ENDOD1: variants seen among roughly 807,000 people sequenced by gnomAD.
The protein encoded by ENDOD1 is endonuclease domain-containing 1 protein.
Under a neutral mutation model 6.5 loss-of-function variants are expected in ENDOD1, and 9 were observed. That is an observed-to-expected ratio of 1.39 (90% CI 0.84 to 2.43). The LOEUF is 2.43. Among genes scored for constraint, ENDOD1 ranks in the 30% most tolerant of loss-of-function variants. The probability of loss-of-function intolerance (pLI) is 0.00; values close to 1 mark genes in which losing one functional copy is unlikely to be tolerated. For synonymous variants in ENDOD1, 255 were observed against 255.2 expected, an observed-to-expected ratio of 1.00 and a Z score of 0.01; for missense variants, 648 against 635.5, an observed-to-expected ratio of 1.02 and a Z score of -0.21.
chr11:95,108,654 T>C (rs73528762), intron 1 of ENDOD1, among the ~76,000 whole-genome samples: 1,682 of 151,818 alleles, frequency 0.011, 25 homozygotes, highest in African/African-American at 0.038. Context: ...CTGAAATGGG[T>C]GGGTTGGCAC....
At chr11:95,093,467 A>G (rs781967842) in intron 1 of ENDOD1, among the ~76,000 whole-genome samples, 1 of 152,158 alleles carries the variant, frequency 6.6e-6, no homozygotes, top group African/African-American at 2.4e-5. Context: ...CCTGAACTGT[A>G]TCCACCTCCC....
chr11:95,119,950 C>A (rs1422473047), intron 1 of ENDOD1, among the ~76,000 whole-genome samples: 1 of 152,264 alleles, frequency 6.6e-6, no homozygotes, highest in East Asian at 1.9e-4. Flanking sequence ...GGCTCTGACA[C>A]TGCCACCACA....
At chr11:95,104,476 A>G (rs1317198831) in intron 1 of ENDOD1, among the ~76,000 whole-genome samples, 2 of 150,288 alleles carry the variant, frequency 1.3e-5, no homozygotes, top group Non-Finnish European at 3.0e-5. Flanking sequence ...AGAAAGAAGG[A>G]CAACTTATCT....
At chr11:95,119,543 C>A (rs961158604) in intron 1 of ENDOD1, among the ~76,000 whole-genome samples, 1 of 152,210 alleles carries the variant, frequency 6.6e-6, no homozygotes, top group African/African-American at 2.4e-5. Flanking sequence ...GTCTGAGTCA[C>A]CTGGAGCTGA....
At chr11:95,107,824 C>G (rs1859105514) in intron 1 of ENDOD1, among the ~76,000 whole-genome samples, 1 of 152,184 alleles carries the variant, frequency 6.6e-6, no homozygotes, top group Non-Finnish European at 1.5e-5. Context: ...CTCCGCCCGG[C>G]TAATTTTTTT....
intron 1 of ENDOD1, among the ~76,000 whole-genome samples, chr11:95,105,731 C>T (rs567499632): frequency 2.0e-5 from 3 of 152,272 alleles, no homozygotes; most frequent in South Asian, 4.2e-4. Context: ...TCATCCATGT[C>T]CCTGCAAAGG....
In ENDOD1 at chr11:95,090,031, A is replaced by T. The variant is rs369404308; in HGVS notation, c.104A>T (p.Asp35Val). 7.6e-5 allele frequency: 122 copies of T among 1,596,624 alleles called. No individual in the cohort carries two copies. Among genetic ancestry groups the T allele is most frequent in the Admixed American group, 2.6e-4 (15 of 58,588 alleles). Residue 35 changes from aspartate to valine, a missense_variant, in exon 1 of 2, where the codon GAC (aspartate) becomes GTC (valine). Asp to Val is a radical substitution (Grantham distance 152). Coordinates refer to ENST00000278505, the MANE Select transcript of ENDOD1 (RefSeq NM_015036.3). Reference protein sequence around the residue: ...GEEEAGFGECDKFFYAGTPPA... With the variant: ...GEEEAGFGECVKFFYAGTPPA... ...GAGGAAGCCGGCTTTGGCGAATGTG[A>T]CAAGTTCTTCTACGCCGGGACCCCG...
rs566345096 is a variant in ENDOD1 at position 95,129,721 on chromosome 11, T to A, written c.*142T>A. ...GTCTGCTTGTTTTTGCAAAAGAAGA[T>A]GGCAGAATTTAGACTTGACAGAGGA... On this transcript the variant is annotated 3_prime_UTR_variant, in exon 2 of 2. Transcript: ENST00000278505. 3.6e-5 allele frequency: 31 copies of A among 858,096 alleles called. No individual in the cohort carries two copies. In the African/African-American group the frequency reaches 5.1e-4, roughly 14 times the overall value. 53.2% of individuals were successfully genotyped at this position (858,096 alleles called of 1,614,324 possible).
At chr11:95,095,164 G>T (rs1324707896) in intron 1 of ENDOD1, among the ~76,000 whole-genome samples, 3 of 152,170 alleles carry the variant, frequency 2.0e-5, no homozygotes, top group Admixed American at 6.5e-5. Context: ...TCAAATGCTT[G>T]GTGTATGTCC....
chr11:95,093,628 A>G (rs1858952484), intron 1 of ENDOD1, among the ~76,000 whole-genome samples: 1 of 152,236 alleles, frequency 6.6e-6, no homozygotes, highest in South Asian at 2.1e-4. Context: ...CCTAGTGCCC[A>G]GCTTATAGAA....
At chr11:95,091,521 T>C (rs1248737216) in intron 1 of ENDOD1, among the ~76,000 whole-genome samples, 1 of 152,230 alleles carries the variant, frequency 6.6e-6, no homozygotes, top group Non-Finnish European at 1.5e-5. Context: ...TTCCACCAGC[T>C]GCACCCCTAG....
chr11:95,118,035 G>C (rs891492649), intron 1 of ENDOD1, among the ~76,000 whole-genome samples: 3 of 152,102 alleles, frequency 2.0e-5, no homozygotes, highest in Non-Finnish European at 4.4e-5. Context: ...CAAGCAAAAA[G>C]ACAACTAATA....
intron 1 of ENDOD1, among the ~76,000 whole-genome samples, chr11:95,090,525 G>C (rs117061173): frequency 6.6e-6 from 1 of 152,160 alleles, no homozygotes; most frequent in Non-Finnish European, 1.5e-5. Context: ...GCAGACATCC[G>C]CAGTGTTTCA....
At chr11:95,107,707 C>T (rs1480924392) in intron 1 of ENDOD1, among the ~76,000 whole-genome samples, 7 of 151,938 alleles carry the variant, frequency 4.6e-5, no homozygotes, top group Non-Finnish European at 1.0e-4. Flanking sequence ...GTCACCCAGG[C>T]TGGAGTGCAG....
At chr11:95,096,073 A>G (rs1858980537) in intron 1 of ENDOD1, among the ~76,000 whole-genome samples, 1 of 152,166 alleles carries the variant, frequency 6.6e-6, no homozygotes, top group Non-Finnish European at 1.5e-5. Flanking sequence ...TCCTTAGGGA[A>G]TTGAGATTTT....
At position 95,090,155 on chromosome 11, in the gene ENDOD1, C is replaced by T. The variant is rs941470625; in HGVS notation, c.228C>T (p.Pro76=). ...TCTACAGCACCCGGGACCGCATCCC[C>T]GTGTACTCCGCGTTCCGCGCCCCGC... ...ATLYSTRDRI[P]VYSAFRAPRP... The change falls in exon 1 of 2, where the codon CCC becomes CCT. Residue 76 remains proline, a synonymous_variant. Coordinates refer to ENST00000278505, the MANE Select transcript of ENDOD1 (RefSeq NM_015036.3). 2 of 1,477,718 alleles carry T rather than the reference C, an allele frequency of 1.4e-6. No homozygotes were observed. The highest frequency in any genetic ancestry group is 1.8e-6 in the Non-Finnish European group (2 of 1,103,850). The allele number at this position is 1,477,718 out of a possible 1,614,324, so 91.5% of individuals were successfully genotyped here. A position where few individuals can be genotyped will look rare whatever the true frequency, so the allele number is the denominator to read the frequency against.
intron 1 of ENDOD1, among the ~76,000 whole-genome samples, chr11:95,103,098 T>TGGGG (rs5793712): frequency 3.6e-5 from 5 of 137,588 alleles, no homozygotes; most frequent in African/African-American, 1.1e-4. Context: ...CTAGGCAGAG[T>TGGGG]GGGTGTGTGT....
chr11:95,101,386 C>A (rs781848446), intron 1 of ENDOD1, among the ~76,000 whole-genome samples: 3 of 152,078 alleles, frequency 2.0e-5, no homozygotes, highest in Non-Finnish European at 4.4e-5. Flanking sequence ...ATGGATTGAG[C>A]AGTGGCAGTA....
intron 1 of ENDOD1, among the ~76,000 whole-genome samples, chr11:95,118,705 G>T (rs1859234512): frequency 6.6e-6 from 1 of 152,128 alleles, no homozygotes; most frequent in South Asian, 2.1e-4. Context: ...CTTTCTCTAG[G>T]TTTGGGAAGT....
Sources: gnomAD v4.1 joint callset for allele counts (sites outside exome capture counted in the v4.1 genomes callset) on GRCh38, gnomAD v4.1.1 for gene constraint, MANE v1.5 for transcripts, NCBI Gene and HGNC (gene_info 2026-07-23, HGNC 2026-07-21) for gene names.